KCNB2: variants seen among roughly 807,000 people sequenced by gnomAD.
KCNB2 encodes the protein delayed rectifier potassium channel protein.
A neutral mutation model predicts 61.5 loss-of-function variants in KCNB2; 15 were observed. The observed-to-expected ratio is 0.24, with a 90% CI of 0.16 to 0.38. KCNB2 has a LOEUF of 0.38. KCNB2 is among the 10% of genes least tolerant of loss of function. The probability of loss-of-function intolerance (pLI) is 1.00; values close to 1 mark genes in which losing one functional copy is unlikely to be tolerated. For missense variants in KCNB2, 828 were observed against 1,125.2 expected, an observed-to-expected ratio of 0.74 and a Z score of 3.78; for synonymous variants, 457 against 446.0, an observed-to-expected ratio of 1.02 and a Z score of -0.31.
intron 2 of KCNB2, among the ~76,000 whole-genome samples, chr8:72,575,242 C>T (rs1415850886): frequency 6.9e-6 from 1 of 144,694 alleles, no homozygotes; most frequent in Non-Finnish European, 1.5e-5. Flanking sequence ...TTTAGCTTCT[C>T]CCCCACCCCC....
chr8:72,667,937 C>G (rs546314332), intron 2 of KCNB2, among the ~76,000 whole-genome samples: 1 of 152,360 alleles, frequency 6.6e-6, no homozygotes, highest in Non-Finnish European at 1.5e-5. Context: ...CTCTCACTGA[C>G]TGTGTTGGGG....
chr8:72,762,004 A>G (rs993290803), intron 2 of KCNB2, among the ~76,000 whole-genome samples: 1 of 152,226 alleles, frequency 6.6e-6, no homozygotes, highest in Non-Finnish European at 1.5e-5. Context: ...GTCTAAAACA[A>G]AAATTTGTTT....
At chr8:72,899,073 C>A (rs1366183949) in intron 2 of KCNB2, among the ~76,000 whole-genome samples, 2 of 152,074 alleles carry the variant, frequency 1.3e-5, no homozygotes, top group East Asian at 3.8e-4. Flanking sequence ...TCCTGGGATG[C>A]AAGGCAGGTT....
intron 2 of KCNB2, among the ~76,000 whole-genome samples, chr8:72,742,223 CACCA>C (rs1174161553): frequency 1.3e-5 from 2 of 152,182 alleles, no homozygotes; most frequent in African/African-American, 4.8e-5. Flanking sequence ...TGTATTTGTT[CACCA>C]TTGATCTTTG....
rs182857377 is a variant in KCNB2, at chr8:72,550,695, C to T, written c.-94+12810C>T. Among the ~76,000 whole-genome samples, 1,294 of 152,226 alleles carry T rather than the reference C, an allele frequency of 8.5e-3. 16 individuals carry two copies. Among genetic ancestry groups the T allele is most frequent in the Middle Eastern group, 0.014 (4 of 294 alleles). ...AAGCTATGTGGTTCTTTTTACACTC[C>T]CTGCTCCTATTTTCTGACAGTCAGG... On this transcript the variant is annotated intron_variant, in intron 1 of 2. Transcript: ENST00000523207.
chr8:72,781,536 T>C (rs1404276242), intron 2 of KCNB2, among the ~76,000 whole-genome samples: 2 of 152,174 alleles, frequency 1.3e-5, no homozygotes, highest in African/African-American at 4.8e-5. Flanking sequence ...TGCAGTCTTA[T>C]TTCTGAGATC....
chr8:72,859,992 T>C lies in KCNB2; in HGVS notation c.580-75943T>C, dbSNP rs145322952. On this transcript the variant is annotated intron_variant, in intron 2 of 2. Coordinates refer to ENST00000523207, the MANE Select transcript of KCNB2 (RefSeq NM_004770.3). ...CCTTGGCCTCCCAAAGTGCTAGGATTACAGGTGTGAGCCACTGTGCCCGGC... is the reference window on the plus strand; with the variant it reads ...CCTTGGCCTCCCAAAGTGCTAGGATCACAGGTGTGAGCCACTGTGCCCGGC... Among the ~76,000 whole-genome samples the C allele has an allele frequency of 9.1e-4, 139 of 152,240 alleles. 1 individual carries two copies. The highest frequency in any genetic ancestry group is 1.7e-3 in the Non-Finnish European group (119 of 68,010).
chr8:72,768,988 C>A (rs1287075307), intron 2 of KCNB2, among the ~76,000 whole-genome samples: 1 of 151,908 alleles, frequency 6.6e-6, no homozygotes, highest in Non-Finnish European at 1.5e-5. Context: ...TGGAGAAACC[C>A]CGTCTCTACT....
intron 2 of KCNB2, among the ~76,000 whole-genome samples, chr8:72,826,182 T>C (rs1585915172): frequency 6.6e-6 from 1 of 152,360 alleles, no homozygotes; most frequent in South Asian, 2.1e-4. Context: ...CTTACTTTGG[T>C]ATCCATTACG....
At chr8:72,927,579 T>C (rs1257481750) in intron 2 of KCNB2, among the ~76,000 whole-genome samples, 1 of 152,196 alleles carries the variant, frequency 6.6e-6, no homozygotes, top group African/African-American at 2.4e-5. Flanking sequence ...CCCCAACTCT[T>C]TTCTGTGCCT....
intron 2 of KCNB2, among the ~76,000 whole-genome samples, chr8:72,891,975 C>G (rs1383099106): frequency 6.6e-6 from 1 of 151,976 alleles, no homozygotes; most frequent in African/African-American, 2.4e-5. Flanking sequence ...AATTTGGGAG[C>G]CTGGCAGGTG....
chr8:72,719,341 C>T (rs367789284), intron 2 of KCNB2, among the ~76,000 whole-genome samples: 1 of 152,148 alleles, frequency 6.6e-6, no homozygotes, highest in Non-Finnish European at 1.5e-5. Context: ...TGGCCCTGCT[C>T]TCTTAGTCTC....
chr8:72,816,306 C>T (rs1809395410), intron 2 of KCNB2, among the ~76,000 whole-genome samples: 1 of 152,126 alleles, frequency 6.6e-6, no homozygotes, highest in South Asian at 2.1e-4. Context: ...ACACAGCTGC[C>T]AATGCATCAG....
At chr8:72,807,587 G>T (rs1294401479) in intron 2 of KCNB2, among the ~76,000 whole-genome samples, 1 of 152,158 alleles carries the variant, frequency 6.6e-6, no homozygotes, top group Non-Finnish European at 1.5e-5. Context: ...CATCACAAAG[G>T]TGAAGTCTGA....
At chr8:72,581,411 G>T (rs1806894462) in intron 2 of KCNB2, among the ~76,000 whole-genome samples, 1 of 152,164 alleles carries the variant, frequency 6.6e-6, no homozygotes, top group Admixed American at 6.6e-5. Flanking sequence ...AGCACTTGAA[G>T]AATCCGAACT....
At chr8:72,871,874 T>C (rs1805624154) in intron 2 of KCNB2, among the ~76,000 whole-genome samples, 1 of 152,234 alleles carries the variant, frequency 6.6e-6, no homozygotes, top group East Asian at 1.9e-4. Context: ...GTAGAATAGT[T>C]TCAACTCATA....
chr8:72,568,838 A>G (rs1001943268), intron 2 of KCNB2, among the ~76,000 whole-genome samples: 1 of 152,184 alleles, frequency 6.6e-6, no homozygotes, highest in Non-Finnish European at 1.5e-5. Context: ...TAAGCTGTGT[A>G]AAAAATGAGT....
chr8:72,837,835 T>TAA (rs1314310686), intron 2 of KCNB2, among the ~76,000 whole-genome samples: 8,444 of 151,270 alleles, frequency 0.056, 294 homozygotes, highest in Non-Finnish European at 0.082. Context: ...ATCCTTTTTT[T>TAA]AAAAAAAAAT....
chr8:72,836,678 A>G (rs1809787562), intron 2 of KCNB2, among the ~76,000 whole-genome samples: 1 of 152,228 alleles, frequency 6.6e-6, no homozygotes, highest in South Asian at 2.1e-4. Flanking sequence ...TGGGAAGCAG[A>G]AGCAGGTGGA....
Sources: allele counts gnomAD v4.1 joint callset (sites outside exome capture counted in the v4.1 genomes callset), GRCh38; gene constraint gnomAD v4.1.1; transcripts MANE v1.5; gene names NCBI Gene and HGNC (gene_info 2026-07-23, HGNC 2026-07-21).